The following RSF1 variants were observed in gnomAD, a reference collection of about 807,000 sequenced individuals.
The protein encoded by RSF1 is HBV pX-associated protein 8.
Under a neutral mutation model 145.2 loss-of-function variants are expected in RSF1, and 13 were observed. The observed-to-expected ratio is 0.09, with a 90% CI of 0.06 to 0.14. RSF1 has a LOEUF of 0.14. Among genes scored for constraint, RSF1 ranks in the 10% least tolerant of loss-of-function variants. The pLI, the probability that RSF1 is intolerant of heterozygous loss-of-function variation, is 1.00. For missense variants in RSF1, 1,517 were observed against 1,718.2 expected, an observed-to-expected ratio of 0.88 and a Z score of 2.07; for synonymous variants, 577 against 592.6, an observed-to-expected ratio of 0.97 and a Z score of 0.38.
chr11:77,753,097 C>CATTT (rs1948080718), intron 2 of RSF1, among the ~76,000 whole-genome samples: 1 of 152,204 alleles, frequency 6.6e-6, no homozygotes, highest in Admixed American at 6.5e-5. Flanking sequence ...AGCAGCAGCC[C>CATTT]TCAAGGCTGC....
intron 4 of RSF1, among the ~76,000 whole-genome samples, chr11:77,729,871 A>G (rs1961154187): frequency 7.1e-6 from 1 of 140,560 alleles, no homozygotes; most frequent in African/African-American, 2.7e-5. Flanking sequence ...ACTTTTTGGT[A>G]TAAATGCCAA....
Position 77,725,697 on chromosome 11 carries a change from T to C in RSF1, c.581A>G (p.Asn194Ser). ...AAGAGTCTCAGCCAACTCGTTTCGA[T>C]TTCTAAACAAGGAAAAAAATAAGAC... is the stretch of plus-strand genomic sequence containing the variant. ...DGSSWKCIVR[N>S]RNELAETLAL... Residue 194 changes from asparagine to serine, a missense_variant and splice_region_variant, in exon 5 of 16, where the codon AAT (asparagine) becomes AGT (serine). Physicochemically the swap from Asn to Ser is conservative, Grantham distance 46. This residue lies in a region of RSF1 where 4 missense variants were observed against 19.0 expected (regional missense o/e 0.21). Coordinates refer to ENST00000308488, the MANE Select transcript of RSF1 (RefSeq NM_016578.4). 6.4e-7 allele frequency: 1 copy of C among 1,566,252 alleles called. No homozygotes were observed. Among genetic ancestry groups the C allele is most frequent in the Non-Finnish European group, 8.6e-7 (1 of 1,157,772 alleles).
chr11:77,683,011 G>A (rs1026412061), intron 11 of RSF1, among the ~76,000 whole-genome samples: 1 of 152,196 alleles, frequency 6.6e-6, no homozygotes, highest in Non-Finnish European at 1.5e-5. Flanking sequence ...ATCAATGCTT[G>A]GCTGGGTGTG....
At chr11:77,750,043 G>T (rs1430247174) in intron 2 of RSF1, among the ~76,000 whole-genome samples, 2 of 151,820 alleles carry the variant, frequency 1.3e-5, no homozygotes, top group African/African-American at 2.4e-5. Context: ...CACATGCCCG[G>T]CCCATTTTGT....
At chr11:77,843,939 T>C in the RSF1 span, among the ~76,000 whole-genome samples, 217 of 152,272 alleles carry the variant, frequency 1.4e-3, no homozygotes, top group African/African-American at 4.6e-3. Flanking sequence ...ACTCTCGTTT[T>C]TAAAACCATC....
At chr11:77,672,467 T>C (rs1029211567) in intron 14 of RSF1, among the ~76,000 whole-genome samples, 1 of 150,442 alleles carries the variant, frequency 6.6e-6, no homozygotes, top group African/African-American at 2.5e-5. Flanking sequence ...AGAGATCCTT[T>C]GGCCTCAGCT....
chr11:77,670,627 T>A (rs553794888), intron 15 of RSF1, among the ~76,000 whole-genome samples: 59 of 152,324 alleles, frequency 3.9e-4, no homozygotes, highest in African/African-American at 1.3e-3. Flanking sequence ...AATATTCATA[T>A]TTAATGGCTT....
At chr11:77,857,727 C>T in the RSF1 span, among the ~76,000 whole-genome samples, 5 of 148,064 alleles carry the variant, frequency 3.4e-5, no homozygotes, top group Non-Finnish European at 7.4e-5. Context: ...GATGGAGTCT[C>T]GCTCTGTCAC....
At chr11:77,817,492 G>T (rs1315852341) in intron 1 of RSF1, among the ~76,000 whole-genome samples, 1 of 152,132 alleles carries the variant, frequency 6.6e-6, no homozygotes, top group Non-Finnish European at 1.5e-5. Context: ...CTGGCAACCA[G>T]CAAATTTCGG....
intron 1 of RSF1, among the ~76,000 whole-genome samples, chr11:77,767,652 T>C (rs2135941157): frequency 6.6e-6 from 1 of 152,348 alleles, no homozygotes; most frequent in East Asian, 1.9e-4. Flanking sequence ...GAATCATATT[T>C]ATCTTTCAAT....
At chr11:77,720,066 C>T (rs1960908422) in intron 5 of RSF1, among the ~76,000 whole-genome samples, 1 of 152,104 alleles carries the variant, frequency 6.6e-6, no homozygotes, top group Non-Finnish European at 1.5e-5. Context: ...TATGGTTGCA[C>T]AATGCTGTGA....
intron 4 of RSF1, among the ~76,000 whole-genome samples, chr11:77,729,924 T>C (rs1461235476): frequency 2.3e-5 from 1 of 42,722 alleles, no homozygotes; most frequent in South Asian, 5.4e-4. Flanking sequence ...AAAAAAAAAA[T>C]TGTGGAGGCC....
chr11:77,844,159 G>C, the RSF1 span, among the ~76,000 whole-genome samples: 1 of 152,162 alleles, frequency 6.6e-6, no homozygotes, highest in Non-Finnish European at 1.5e-5. Context: ...TCCTTACATA[G>C]TGGAAAGAGA....
At chr11:77,861,039 C>T in the RSF1 span, among the ~76,000 whole-genome samples, 5 of 152,046 alleles carry the variant, frequency 3.3e-5, no homozygotes, top group Admixed American at 6.6e-5. Context: ...TGGGTCTAAG[C>T]GGGTATTGCC....
the RSF1 span, among the ~76,000 whole-genome samples, chr11:77,863,265 G>A: frequency 9.2e-5 from 14 of 152,156 alleles, no homozygotes; most frequent in South Asian, 2.1e-4. Flanking sequence ...AATCGGGAGC[G>A]GCAATGGGCG....
intron 5 of RSF1, chr11:77,717,703 T>G (rs889834614): frequency 6.6e-6 from 1 of 152,198 alleles, no homozygotes; most frequent in Non-Finnish European, 1.5e-5. Flanking sequence ...ACCATGACAA[T>G]GCCATGTTCC....
At chr11:77,839,226 A>G in the RSF1 span, among the ~76,000 whole-genome samples, 1 of 151,844 alleles carries the variant, frequency 6.6e-6, no homozygotes, top group Non-Finnish European at 1.5e-5. Flanking sequence ...GCAGCCTCAA[A>G]CTCATGGGCT....
At chr11:77,717,406 A>T (rs1347027915) in intron 5 of RSF1, among the ~76,000 whole-genome samples, 3 of 152,130 alleles carry the variant, frequency 2.0e-5, no homozygotes, top group African/African-American at 7.2e-5. Context: ...GTCACCTGGG[A>T]GAAAACAGCT....
intron 1 of RSF1, among the ~76,000 whole-genome samples, chr11:77,794,789 CAAGA>C (rs1948555159): frequency 6.6e-6 from 1 of 152,032 alleles, no homozygotes. Flanking sequence ...AGAACTGAAA[CAAGA>C]AAGACAAGGA....
Sources: gnomAD v4.1 joint callset for allele counts (sites outside exome capture counted in the v4.1 genomes callset) on GRCh38, gnomAD v4.1.1 for gene constraint, gnomAD v4.1.1 regional missense constraint, MANE v1.5 for transcripts, NCBI Gene and HGNC (gene_info 2026-07-23, HGNC 2026-07-21) for gene names.